The following C22orf23 variants were observed in gnomAD, a reference collection of about 807,000 sequenced individuals.
C22orf23 encodes chromosome 22 open reading frame 23, also known as UPF0193 protein EVG1.
In C22orf23, 30 loss-of-function variants were observed where a neutral mutation model predicts 29.7. That is an observed-to-expected ratio of 1.01 (90% CI 0.76 to 1.37). C22orf23 has a LOEUF of 1.37. Among genes scored for constraint, C22orf23 ranks in the 40% most tolerant of loss-of-function variants. C22orf23 has a pLI of 0.00. For synonymous variants in C22orf23, 90 were observed against 96.1 expected (o/e 0.94, Z 0.37); for missense variants, 237 against 273.1 (o/e 0.87, Z 0.93).
chr22:37,943,805 A>G lies in C22orf23; in HGVS notation c.*370T>C. ...CTTGCCTAAGGCGGTAAGAAATCAA[A>G]TAAGTAAATCCTAAAACAGGAAGAA... is the stretch of plus-strand genomic sequence containing the variant. On this transcript the variant is annotated 3_prime_UTR_variant, in exon 7 of 7. Coordinates refer to ENST00000403305, the MANE Select transcript of C22orf23 (RefSeq NM_032561.5). The G allele has an allele frequency of 3.9e-6, 1 of 259,458 alleles. No homozygotes were observed. The highest frequency in any genetic ancestry group is 7.4e-6 in the Non-Finnish European group (1 of 134,824). 16.1% of individuals were successfully genotyped at this position (259,458 alleles called of 1,614,324 possible). A position where few individuals can be genotyped will look rare whatever the true frequency, so the allele number is the denominator to read the frequency against.
At chr22:37,948,150 T>C (rs1001914878) in intron 3 of C22orf23, among the ~76,000 whole-genome samples, 5 of 151,030 alleles carry the variant, frequency 3.3e-5, no homozygotes, top group Non-Finnish European at 7.4e-5. Flanking sequence ...TACCTACCTG[T>C]TAAAAGAAGT....
chr22:37,944,285 A>C, intron 6 of C22orf23, 39 bp from the exon 7 acceptor site: 1 of 1,614,050 alleles, frequency 6.2e-7, no homozygotes, highest in Non-Finnish European at 8.5e-7. Flanking sequence ...TATCAGGGCT[A>C]GGAACCTGAG....
At position 37,944,444 on chromosome 22, in the gene C22orf23, T is replaced by C; in HGVS notation, c.555A>G (p.Arg185=). The change falls in exon 6 of 7, where the codon CGA becomes CGG. Residue 185 remains arginine, a synonymous_variant. Coordinates refer to ENST00000403305, the MANE Select transcript of C22orf23 (RefSeq NM_032561.5). The stretch of plus-strand genomic sequence containing the variant: ...GGGAGATTTCAGCAAGGATGATTCC[T>C]CGGTACTGTTTGCCCTGTCCCAGGG... ...MEALGQGKQY[R]GIILAEISQK... is the part of the protein sequence containing the mutation. 1 of 1,614,170 alleles carries C rather than the reference T, an allele frequency of 6.2e-7. No homozygotes were observed. The highest frequency in any genetic ancestry group is 8.5e-7 in the Non-Finnish European group (1 of 1,180,030).
intron 6 of C22orf23, 44 bp from the exon 7 acceptor site, chr22:37,944,290 C>A: frequency 1.2e-6 from 2 of 1,614,060 alleles, no homozygotes; most frequent in South Asian, 2.2e-5. Context: ...GGGCTAGGAA[C>A]CTGAGGAGCT....
chr22:37,946,873 T>TAAAAAAAAAAAAAAAAAA (rs11361013), intron 4 of C22orf23, among the ~76,000 whole-genome samples: 1 of 115,094 alleles, frequency 8.7e-6, no homozygotes, highest in African/African-American at 3.2e-5. Context: ...GCTCTGTCTT[T>TAAAAAAAAAAAAAAAAAA]AAAAAAAAAA....
chr22:37,950,101 G>GT (rs370034534), intron 3 of C22orf23, among the ~76,000 whole-genome samples: 58 of 151,044 alleles, frequency 3.8e-4, no homozygotes, highest in African/African-American at 8.3e-4. Context: ...CAGCTGACCT[G>GT]TTTTTTTTTA....
chr22:37,946,473 G>C (rs933952469), intron 4 of C22orf23, among the ~76,000 whole-genome samples: 11 of 151,736 alleles, frequency 7.2e-5, no homozygotes, highest in African/African-American at 2.4e-4. Flanking sequence ...CTATTCTGGA[G>C]ACTGAGGCAG....
chr22:37,944,749 A>G, intron 5 of C22orf23: 2 of 557,974 alleles, frequency 3.6e-6, no homozygotes, highest in Non-Finnish European at 6.3e-6. Flanking sequence ...AAATACAAAA[A>G]TTAGCCAGGC....
At chr22:37,947,507 T>G in intron 3 of C22orf23, 44 bp from the exon 4 acceptor site, 1 of 1,070,892 alleles carries the variant, frequency 9.3e-7, no homozygotes, top group Non-Finnish European at 1.2e-6. Context: ...CATGGCTTTT[T>G]TTTTTTTTTT....
intron 3 of C22orf23, among the ~76,000 whole-genome samples, chr22:37,948,436 C>A (rs754096600): frequency 6.6e-6 from 1 of 150,436 alleles, no homozygotes; most frequent in African/African-American, 2.5e-5. Context: ...GGTGACTGAG[C>A]AAGACTGTCT....
chr22:37,951,412 T>C lies in C22orf23; in HGVS notation c.166+48A>G, dbSNP rs767787441. ...TTAACATGGAGAAGCATTAAAAGTG[T>C]GGCCCCAGATCCCTCTGTCCAGGAA... On this transcript the variant is annotated intron_variant, in intron 3 of 6. Transcript: ENST00000403305. 9.3e-6 allele frequency: 14 copies of C among 1,511,710 alleles called. No individual in the cohort carries two copies. In the Admixed American group the frequency reaches 2.2e-4, roughly 24 times the overall value. 93.6% of individuals were successfully genotyped at this position (1,511,710 alleles called of 1,614,324 possible). A position where few individuals can be genotyped will look rare whatever the true frequency, so the allele number is the denominator to read the frequency against.
rs937518674 is a variant in C22orf23, at chr22:37,947,324, G to T, written c.306C>A (p.Ala102=). 2 of 1,613,804 alleles carry T rather than the reference G, an allele frequency of 1.2e-6. No homozygotes were observed. Among genetic ancestry groups the T allele is most frequent in the Non-Finnish European group, 1.7e-6 (2 of 1,180,002 alleles). The change falls in exon 4 of 7, where the codon GCC becomes GCA. Residue 102 remains alanine, a synonymous_variant. Transcript: ENST00000403305. ...ACTGCTCCCGGCTGTAGGCCCCATT[G>T]GCTTGACACATGTTGGCAGGCCGGA... The part of the protein sequence containing the change: ...PHLRPANMCQ[A]NGAYSREQFK...
intron 3 of C22orf23, among the ~76,000 whole-genome samples, chr22:37,950,619 T>G (rs1440008490): frequency 6.6e-6 from 1 of 151,710 alleles, no homozygotes; most frequent in African/African-American, 2.4e-5. Flanking sequence ...TTTAAAAAAT[T>G]TTGGGGGCTG....
intron 4 of C22orf23, among the ~76,000 whole-genome samples, chr22:37,947,041 TG>T (rs1035807590): frequency 6.6e-6 from 1 of 151,316 alleles, no homozygotes; most frequent in African/African-American, 2.4e-5. Context: ...CATCAGGAAG[TG>T]GTAGATTTCA....
In C22orf23 at chr22:37,944,194, T is replaced by A; in HGVS notation, c.635A>T (p.Lys212Met). Residue 212 changes from lysine (K) to methionine (M), a missense_variant, in exon 7 of 7, where the codon AAG (lysine) becomes ATG (methionine). Transcript: ENST00000403305. ...GACAGATTAAGTGGTGGCAAGACCC[T>A]TCCTAAGTTCCTCACTCCTTCTGTG... ...IDHRRSEELR[K>M]GLATT The A allele has an allele frequency of 1.9e-6, 3 of 1,614,198 alleles. No homozygotes were observed. Among genetic ancestry groups the A allele is most frequent in the Non-Finnish European group, 2.5e-6 (3 of 1,180,020 alleles).
chr22:37,946,903 A>G (rs1930733328), intron 4 of C22orf23, among the ~76,000 whole-genome samples: 1 of 151,022 alleles, frequency 6.6e-6, no homozygotes, highest in Non-Finnish European at 1.5e-5. Context: ...AAGTTTTGTC[A>G]AAACTTAGCA....
In C22orf23 at chr22:37,953,586, CG is replaced by C. The variant is rs1931209936; in HGVS notation, c.-149del. 22 of 612,822 alleles carry C rather than the reference CG, an allele frequency of 3.6e-5. No homozygotes were observed. In the South Asian group the frequency reaches 4.6e-4, roughly 13 times the overall value. 38.0% of individuals were successfully genotyped at this position (612,822 alleles called of 1,614,324 possible). On this transcript the variant is annotated 5_prime_UTR_variant, in exon 1 of 7. Coordinates refer to ENST00000403305, the MANE Select transcript of C22orf23 (RefSeq NM_032561.5). ...CTGGGCTGCTGGAGCTGGCAGCTAGCGCCTCTCGCTACTATAGAAACGCGCA... is the reference window on the plus strand; with the variant it reads ...CTGGGCTGCTGGAGCTGGCAGCTAGCCCTCTCGCTACTATAGAAACGCGCA...
chr22:37,947,579 C>T (rs956567444), intron 3 of C22orf23, 116 bp from the exon 4 acceptor site: 19 of 817,374 alleles, frequency 2.3e-5, no homozygotes, highest in Admixed American at 2.3e-4. Context: ...GGCGCGATCT[C>T]GGCTTACTGC....
At chr22:37,947,556 G>C in intron 3 of C22orf23, 93 bp from the exon 4 acceptor site, 2 of 1,127,310 alleles carry the variant, frequency 1.8e-6, no homozygotes, top group Non-Finnish European at 1.2e-6. Flanking sequence ...TGTCACTCAG[G>C]CTGGAGTGCA....
Sources: allele counts gnomAD v4.1 joint callset (sites outside exome capture counted in the v4.1 genomes callset), GRCh38; gene constraint gnomAD v4.1.1; transcripts MANE v1.5; gene names NCBI Gene and HGNC (gene_info 2026-07-23, HGNC 2026-07-21).